PIERCE2: variants seen among roughly 807,000 people sequenced by gnomAD.
PIERCE2 encodes the protein piercer of microtubule wall 2 protein.
chr15:55,418,280 C>G, the PIERCE2 span: 15 of 1,551,848 alleles, frequency 9.7e-6, no homozygotes, highest in South Asian at 1.8e-4. Context: ...TGAACAACTG[C>G]CTCCTTGTGT....
the PIERCE2 span, among the ~76,000 whole-genome samples, chr15:55,416,382 T>C: frequency 4.6e-5 from 7 of 152,250 alleles, no homozygotes; most frequent in East Asian, 1.4e-3. Context: ...TTTACAGGTG[T>C]GAGCCATTGC....
At chr15:55,410,416 G>C in the PIERCE2 span, 3 of 152,316 alleles carry the variant, frequency 2.0e-5, no homozygotes, top group South Asian at 6.2e-4. Context: ...CTGGGAGGCC[G>C]AGGCAGGCGA....
chr15:55,415,947 C>G, the PIERCE2 span, among the ~76,000 whole-genome samples: 21 of 152,282 alleles, frequency 1.4e-4, no homozygotes, highest in Middle Eastern at 3.4e-3. Flanking sequence ...TAAATCAGTA[C>G]ACATTTCAGT....
the PIERCE2 span, among the ~76,000 whole-genome samples, chr15:55,413,165 G>A: frequency 2.6e-5 from 4 of 152,032 alleles, no homozygotes; most frequent in South Asian, 2.1e-4. Flanking sequence ...CTACTCGGGA[G>A]GCTGAGGCAG....
At chr15:55,412,491 A>G in the PIERCE2 span, among the ~76,000 whole-genome samples, 1 of 152,222 alleles carries the variant, frequency 6.6e-6, no homozygotes, top group South Asian at 2.1e-4. Flanking sequence ...GGCACAGAGA[A>G]TCTAAGTGAC....
the PIERCE2 span, chr15:55,418,275 A>G: frequency 1.3e-6 from 2 of 1,553,104 alleles, no homozygotes; most frequent in African/African-American, 1.4e-5. Flanking sequence ...AAATCTGAAC[A>G]ACTGCCTCCT....
At chr15:55,415,417 T>A in the PIERCE2 span, among the ~76,000 whole-genome samples, 1 of 149,296 alleles carries the variant, frequency 6.7e-6, no homozygotes, top group African/African-American at 2.5e-5. Flanking sequence ...GATCCTGCCA[T>A]TGCACTCCAG....
chr15:55,414,673 G>A, the PIERCE2 span, among the ~76,000 whole-genome samples: 23 of 150,344 alleles, frequency 1.5e-4, no homozygotes, highest in African/African-American at 5.6e-4. Context: ...CAGGTCAGAA[G>A]TCCGAGGCCA....
the PIERCE2 span, chr15:55,418,367 C>A: frequency 6.5e-7 from 1 of 1,537,872 alleles, no homozygotes; most frequent in Non-Finnish European, 8.7e-7. Flanking sequence ...ATCAAAACCT[C>A]AAATGATTAT....
chr15:55,418,278 T>G, the PIERCE2 span: 1 of 1,551,918 alleles, frequency 6.4e-7, no homozygotes, highest in Non-Finnish European at 8.7e-7. Context: ...TCTGAACAAC[T>G]GCCTCCTTGT....
chr15:55,410,811 C>CA, the PIERCE2 span: 2 of 152,144 alleles, frequency 1.3e-5, no homozygotes, highest in African/African-American at 4.8e-5. Context: ...CTCCACCTTC[C>CA]ACCTATAAAG....
At chr15:55,408,613 G>C in the PIERCE2 span, 4,739 of 566,366 alleles carry the variant, frequency 8.4e-3, 137 homozygotes, top group African/African-American at 0.07. Flanking sequence ...TAAACGGATA[G>C]GTTTACACAT....
chr15:55,416,291 G>A, the PIERCE2 span, among the ~76,000 whole-genome samples: 9 of 151,902 alleles, frequency 5.9e-5, no homozygotes, highest in Non-Finnish European at 1.0e-4. Context: ...TAGTAGAGAC[G>A]GGGTTTCACC....
At chr15:55,412,093 CAAAAAAAA>C in the PIERCE2 span, among the ~76,000 whole-genome samples, 10 of 82,070 alleles carry the variant, frequency 1.2e-4, no homozygotes, top group East Asian at 4.3e-4. Context: ...TTTGTCTCCA[CAAAAAAAA>C]AAAAAAAAAA....
chr15:55,415,236 G>C, the PIERCE2 span, among the ~76,000 whole-genome samples: 1 of 152,118 alleles, frequency 6.6e-6, no homozygotes, highest in African/African-American at 2.4e-5. Context: ...GGGAGGCCGA[G>C]GCAGGTGGAT....
the PIERCE2 span, among the ~76,000 whole-genome samples, chr15:55,414,070 T>C: frequency 2.0e-5 from 3 of 151,538 alleles, no homozygotes; most frequent in Admixed American, 2.0e-4. Context: ...GCTAATTCTT[T>C]GTATTTTTAG....
At chr15:55,413,760 CAAAAAAAAA>C in the PIERCE2 span, among the ~76,000 whole-genome samples, 2 of 111,458 alleles carry the variant, frequency 1.8e-5, no homozygotes, top group South Asian at 3.4e-4. Context: ...AACTCCGTTT[CAAAAAAAAA>C]AAAAAAAAAA....
At chr15:55,418,149 G>GGGT in the PIERCE2 span, 1 of 1,569,974 alleles carries the variant, frequency 6.4e-7, no homozygotes, top group Admixed American at 2.0e-5. Context: ...AAAGGGAAGT[G>GGGT]GGTGGGACTG....
At chr15:55,411,189 C>G in the PIERCE2 span, 1 of 152,164 alleles carries the variant, frequency 6.6e-6, no homozygotes, top group Admixed American at 6.6e-5. Context: ...TTTGGTGAGG[C>G]ATGGTGGCTC....
Sources: allele counts gnomAD v4.1 joint callset (sites outside exome capture counted in the v4.1 genomes callset), GRCh38; gene constraint gnomAD v4.1.1; transcripts MANE v1.5; gene names NCBI Gene and HGNC (gene_info 2026-07-23, HGNC 2026-07-21).